MMP26: variants seen among roughly 807,000 people sequenced by gnomAD.
MMP26 encodes the protein matrix metallopeptidase 26.
MMP26 carries 33 observed loss-of-function variants against 31.0 expected under a neutral mutation model. The ratio of observed to expected loss-of-function variants is 1.06; its 90% confidence interval spans 0.81 to 1.42. The LOEUF is 1.42. Among genes scored for constraint, MMP26 ranks in the 40% most tolerant of loss-of-function variants. MMP26 has a pLI of 0.00. For synonymous variants in MMP26, 122 were observed against 114.9 expected (o/e 1.06, Z -0.40); for missense variants, 347 against 316.1 (o/e 1.10, Z -0.74).
At chr11:4,728,409 C>T (rs967081522) in intron 1 of MMP26, among the ~76,000 whole-genome samples, 1 of 152,136 alleles carries the variant, frequency 6.6e-6, no homozygotes, top group African/African-American at 2.4e-5. Flanking sequence ...TACTATGGGA[C>T]TTATCCAGTG....
At chr11:4,735,848 T>C (rs1472783120) in intron 1 of MMP26, among the ~76,000 whole-genome samples, 3 of 152,206 alleles carry the variant, frequency 2.0e-5, no homozygotes, top group Non-Finnish European at 4.4e-5. Context: ...ATATGACTTA[T>C]TGTTTTACAT....
chr11:4,920,426 A>G (rs79689155), intron 2 of MMP26, among the ~76,000 whole-genome samples: 2,133 of 152,232 alleles, frequency 0.014, 53 homozygotes, highest in African/African-American at 0.048. Flanking sequence ...ATTCCAGCTT[A>G]ATTTCTTCCA....
At chr11:4,936,636 A>ACCC (rs776916230) in intron 2 of MMP26, among the ~76,000 whole-genome samples, 28 of 152,170 alleles carry the variant, frequency 1.8e-4, no homozygotes, top group Non-Finnish European at 1.3e-4. Flanking sequence ...GGGTATAATT[A>ACCC]GCTGATTCTA....
intron 2 of MMP26, among the ~76,000 whole-genome samples, chr11:4,967,519 G>A (rs1045741878): frequency 6.6e-6 from 1 of 152,086 alleles, no homozygotes; most frequent in Non-Finnish European, 1.5e-5. Flanking sequence ...CTCTTCTTGA[G>A]GTCCCCAAGA....
chr11:4,755,009 A>G (rs2133304283), intron 1 of MMP26, among the ~76,000 whole-genome samples: 1 of 152,122 alleles, frequency 6.6e-6, no homozygotes. Flanking sequence ...AATCTATGGT[A>G]GCTTCATATA....
chr11:4,860,145 G>A (rs747143951), intron 2 of MMP26: 17 of 470,964 alleles, frequency 3.6e-5, no homozygotes, highest in South Asian at 1.2e-4. Flanking sequence ...GAATAACATC[G>A]TGAGTGAGGA....
intron 2 of MMP26, chr11:4,908,221 C>T (rs933915094): frequency 1.9e-6 from 3 of 1,614,130 alleles, no homozygotes; most frequent in Non-Finnish European, 2.5e-6. Context: ...TGGTGCCGCC[C>T]CTTATGAACC....
chr11:4,706,577 C>CAAAAAAAAAAA (rs71050423), intron 1 of MMP26, among the ~76,000 whole-genome samples: 2 of 87,564 alleles, frequency 2.3e-5, no homozygotes, highest in Non-Finnish European at 4.2e-5. Context: ...GACCCTATCT[C>CAAAAAAAAAAA]AAAAAAAAAA....
chr11:4,787,728 G>A (rs1266286267), intron 2 of MMP26: 2 of 152,034 alleles, frequency 1.3e-5, no homozygotes, highest in Non-Finnish European at 2.9e-5. Flanking sequence ...TTCCTGCTGG[G>A]GTCTACCTGA....
In MMP26 at chr11:4,839,918, A is replaced by C. The variant is rs114860174; in HGVS notation, c.-145+72577A>C. On this transcript the variant is annotated intron_variant, in intron 2 of 7. Transcript: ENST00000380390. ...TTGACTCTTGGATGGCATTTCTGGA[A>C]CTGCCCTGGGCCAGAGGGGAGCCCA... 3.4e-3 allele frequency among the ~76,000 whole-genome samples: 519 copies of C among 151,732 alleles called. 4 individuals are homozygous for C. The highest frequency in any genetic ancestry group is 1.0e-2 in the African/African-American group (412 of 41,366).
chr11:4,821,122 A>G (rs1403592404), intron 2 of MMP26, among the ~76,000 whole-genome samples: 2 of 152,190 alleles, frequency 1.3e-5, no homozygotes, highest in African/African-American at 4.8e-5. Flanking sequence ...TTATATTGGC[A>G]GACGTGACTT....
At chr11:4,814,566 G>T (rs543429444) in intron 2 of MMP26, among the ~76,000 whole-genome samples, 2 of 152,218 alleles carry the variant, frequency 1.3e-5, no homozygotes, top group Non-Finnish European at 2.9e-5. Context: ...AAATCGTTTC[G>T]GTCTACACAG....
intron 2 of MMP26, among the ~76,000 whole-genome samples, chr11:4,790,802 C>T (rs944654005): frequency 1.5e-4 from 23 of 152,132 alleles, no homozygotes; most frequent in Admixed American, 1.1e-3. Context: ...ACCATGCCAA[C>T]TCAATATTTC....
chr11:4,717,272 T>C (rs140593183), intron 1 of MMP26, among the ~76,000 whole-genome samples: 39 of 152,346 alleles, frequency 2.6e-4, no homozygotes, highest in African/African-American at 8.7e-4. Context: ...AATACTTGAC[T>C]TGGCTCTGTA....
rs1846383125 is a variant in MMP26, at chr11:4,952,375, G to A, written c.-144-35693G>A. On this transcript the variant is annotated intron_variant, in intron 2 of 7. Coordinates refer to ENST00000380390, the MANE Select transcript of MMP26 (RefSeq NM_021801.5). ...TGAGCTGCCTATCCTCACCCTGAGA[G>A]AATAGGAGCTTCTGTTTCTTTCAAT... 3.2e-5 allele frequency among the ~76,000 whole-genome samples: 4 copies of A among 124,758 alleles called. No individual in the cohort carries two copies. In the South Asian group the frequency reaches 9.6e-4, roughly 30 times the overall value. The allele number at this position is 124,758 out of a possible 152,430, so 81.8% of individuals were successfully genotyped here.
At chr11:4,799,937 C>T (rs952003135) in intron 2 of MMP26, among the ~76,000 whole-genome samples, 1 of 152,334 alleles carries the variant, frequency 6.6e-6, no homozygotes, top group East Asian at 1.9e-4. Flanking sequence ...AAGTGTGCTC[C>T]TTGGGAGCTT....
At chr11:4,735,154 C>T (rs1006177719) in intron 1 of MMP26, among the ~76,000 whole-genome samples, 1 of 152,312 alleles carries the variant, frequency 6.6e-6, no homozygotes, top group Non-Finnish European at 1.5e-5. Context: ...GTATGCCTAG[C>T]TGTGGGGAAG....
At chr11:4,960,913 G>T (rs946394819) in intron 2 of MMP26, among the ~76,000 whole-genome samples, 1 of 152,080 alleles carries the variant, frequency 6.6e-6, no homozygotes, top group Non-Finnish European at 1.5e-5. Flanking sequence ...AATAGTTACT[G>T]AGCAAACAAA....
chr11:4,953,265 C>G (rs906732007), intron 2 of MMP26, among the ~76,000 whole-genome samples: 2 of 125,080 alleles, frequency 1.6e-5, no homozygotes, highest in Non-Finnish European at 3.6e-5. Flanking sequence ...CAAACATGGT[C>G]TTATTTTTAA....
Sources: allele counts gnomAD v4.1 joint callset (sites outside exome capture counted in the v4.1 genomes callset), GRCh38; gene constraint gnomAD v4.1.1; transcripts MANE v1.5; gene names NCBI Gene and HGNC (gene_info 2026-07-23, HGNC 2026-07-21).